SAMD5: variants seen among roughly 807,000 people sequenced by gnomAD.
SAMD5 encodes sterile alpha motif domain containing 5, also known as sterile alpha motif domain-containing protein 5.
In SAMD5, 13 loss-of-function variants were observed where a neutral mutation model predicts 11.3. The observed-to-expected ratio is 1.15, with a 90% CI of 0.75 to 1.83. SAMD5 has a LOEUF of 1.83. Among genes scored for constraint, SAMD5 ranks in the 40% most tolerant of loss-of-function variants. The pLI is 0.00. For missense variants in SAMD5, 255 were observed against 239.1 expected (o/e 1.07, Z -0.44); for synonymous variants, 129 against 111.3 (o/e 1.16, Z -1.00).
At chr6:147,807,307 G>A in the SAMD5 span, among the ~76,000 whole-genome samples, 1 of 152,010 alleles carries the variant, frequency 6.6e-6, no homozygotes, top group Admixed American at 6.6e-5. Flanking sequence ...GTTACAGCGT[G>A]TTAGCCAGGA....
rs144840356 is a variant in SAMD5, at chr6:147,550,234, G to A, written c.460-14160G>A. On this transcript the variant is annotated intron_variant, in intron 1 of 1. Coordinates refer to ENST00000367474, the MANE Select transcript of SAMD5 (RefSeq NM_001030060.3). Reference sequence around the variant, plus strand: ...GCCGGGGCAACAGAATGAGACTCTTGTCTCTCTTAAAACAAAAAGGTCAAA... The same window carrying A: ...GCCGGGGCAACAGAATGAGACTCTTATCTCTCTTAAAACAAAAAGGTCAAA... 3.4e-3 allele frequency among the ~76,000 whole-genome samples: 513 copies of A among 152,108 alleles called. 2 individuals carry two copies. The highest frequency in any genetic ancestry group is 0.012 in the African/African-American group (479 of 41,460).
the SAMD5 span, among the ~76,000 whole-genome samples, chr6:147,814,901 A>G: frequency 6.6e-6 from 1 of 152,108 alleles, no homozygotes; most frequent in Non-Finnish European, 1.5e-5. Flanking sequence ...TGGGTATTCA[A>G]GGGGAAATGG....
chr6:147,658,291 G>T (rs1382316646), intron 1 of SAMD5, among the ~76,000 whole-genome samples: 4 of 152,156 alleles, frequency 2.6e-5, no homozygotes, highest in African/African-American at 9.7e-5. Context: ...TTTTGGAACT[G>T]CAGAGGCAGC....
At chr6:147,946,422 C>A in the SAMD5 span, among the ~76,000 whole-genome samples, 1 of 152,162 alleles carries the variant, frequency 6.6e-6, no homozygotes, top group Non-Finnish European at 1.5e-5. Flanking sequence ...ATGAATGGAG[C>A]ATCTAAGAAC....
the SAMD5 span, among the ~76,000 whole-genome samples, chr6:147,866,620 A>G: frequency 6.6e-6 from 1 of 152,170 alleles, no homozygotes; most frequent in Non-Finnish European, 1.5e-5. Flanking sequence ...ACAATGAGCT[A>G]TGGTTACTCA....
the SAMD5 span, among the ~76,000 whole-genome samples, chr6:147,862,986 A>G: frequency 3.3e-5 from 5 of 152,162 alleles, no homozygotes; most frequent in Non-Finnish European, 7.3e-5. Flanking sequence ...AAGCACAATA[A>G]ATGTAGGCTG....
intron 1 of SAMD5, among the ~76,000 whole-genome samples, chr6:147,692,068 G>A (rs1459108932): frequency 2.6e-5 from 4 of 152,052 alleles, no homozygotes; most frequent in Non-Finnish European, 4.4e-5. Flanking sequence ...ATAACTATTT[G>A]AGTGATTATT....
At chr6:147,746,822 G>A in the SAMD5 span, among the ~76,000 whole-genome samples, 1 of 152,210 alleles carries the variant, frequency 6.6e-6, no homozygotes, top group Non-Finnish European at 1.5e-5. Context: ...ACGTAAAGCA[G>A]GGGTCACTAG....
At chr6:147,790,756 TTCTCTCTCTCTCTTTCTCTCTCTCTC>T in the SAMD5 span, among the ~76,000 whole-genome samples, 2 of 28,966 alleles carry the variant, frequency 6.9e-5, no homozygotes. Flanking sequence ...CTCTCTCTCT[TTCTCTCTCTCTCTTTCTCTCTCTCTC>T]TCTCTCTCTC....
chr6:147,829,413 G>A, the SAMD5 span, among the ~76,000 whole-genome samples: 5 of 152,162 alleles, frequency 3.3e-5, no homozygotes, highest in Non-Finnish European at 7.3e-5. Context: ...CATGCATGGC[G>A]TAGTCTCAGT....
the SAMD5 span, among the ~76,000 whole-genome samples, chr6:147,802,486 A>C: frequency 6.6e-5 from 10 of 152,242 alleles, no homozygotes; most frequent in Non-Finnish European, 1.3e-4. Context: ...AGCCAATTTG[A>C]AAAGTAGTAT....
At chr6:147,746,398 G>A in the SAMD5 span, among the ~76,000 whole-genome samples, 3 of 152,168 alleles carry the variant, frequency 2.0e-5, no homozygotes, top group South Asian at 4.1e-4. Flanking sequence ...CTACTCTGTT[G>A]TGTGTTGATT....
the SAMD5 span, among the ~76,000 whole-genome samples, chr6:147,797,952 C>A: frequency 6.6e-6 from 1 of 151,040 alleles, no homozygotes; most frequent in Non-Finnish European, 1.5e-5. Flanking sequence ...TTTGATTCTT[C>A]TCTCTTTTTT....
chr6:147,869,682 G>A, the SAMD5 span, among the ~76,000 whole-genome samples: 1 of 152,098 alleles, frequency 6.6e-6, no homozygotes, highest in African/African-American at 2.4e-5. Flanking sequence ...ATCTCCACTT[G>A]TAATCAATAT....
the SAMD5 span, among the ~76,000 whole-genome samples, chr6:147,756,277 G>A: frequency 1.3e-5 from 2 of 152,018 alleles, no homozygotes; most frequent in African/African-American, 2.4e-5. Context: ...AATACAATAC[G>A]CAGCATACAC....
the SAMD5 span, among the ~76,000 whole-genome samples, chr6:147,899,189 A>AAAAAAAAAAAAAAAAAAAAAAAAG: frequency 4.1e-5 from 5 of 123,454 alleles, 1 homozygote; most frequent in African/African-American, 1.9e-4. Flanking sequence ...AAAAAAAAAA[A>AAAAAAAAAAAAAAAAAAAAAAAAG]AAAAGATAAC....
At chr6:147,673,088 C>T (rs1381603087) in intron 1 of SAMD5, among the ~76,000 whole-genome samples, 11 of 152,096 alleles carry the variant, frequency 7.2e-5, no homozygotes, top group Admixed American at 5.9e-4. Context: ...AATAATAATA[C>T]TGATTTTTCT....
intron 1 of SAMD5, among the ~76,000 whole-genome samples, chr6:147,587,353 T>G (rs1200605200): frequency 6.6e-6 from 1 of 152,118 alleles, no homozygotes; most frequent in Non-Finnish European, 1.5e-5. Flanking sequence ...TTCTCCTATC[T>G]CAGCCTCCCC....
At chr6:147,891,010 T>C in the SAMD5 span, among the ~76,000 whole-genome samples, 6 of 152,234 alleles carry the variant, frequency 3.9e-5, no homozygotes, top group Non-Finnish European at 7.3e-5. Flanking sequence ...TGATTGCATA[T>C]GGATATTTCT....
Sources: allele counts gnomAD v4.1 joint callset (sites outside exome capture counted in the v4.1 genomes callset), GRCh38; gene constraint gnomAD v4.1.1; transcripts MANE v1.5; gene names NCBI Gene and HGNC (gene_info 2026-07-23, HGNC 2026-07-21).